Variants in OPCML observed in about 807,000 individuals in gnomAD.
OPCML encodes opioid-binding protein/cell adhesion molecule.
OPCML carries 13 observed loss-of-function variants against 37.8 expected under a neutral mutation model. The ratio of observed to expected loss-of-function variants is 0.34; its 90% CI spans 0.22 to 0.55. OPCML has a LOEUF of 0.55. Ranked by LOEUF, OPCML falls within the 20% of genes least tolerant of loss-of-function variation. The pLI, the probability that OPCML is intolerant of heterozygous loss-of-function variation, is 0.91. For synonymous variants in OPCML, 176 were observed against 168.8 expected, an observed-to-expected ratio of 1.04 and a Z score of -0.33; for missense variants, 341 against 435.6, an observed-to-expected ratio of 0.78 and a Z score of 1.93.
At chr11:133,140,889 C>A (rs376884549) in intron 1 of OPCML, among the ~76,000 whole-genome samples, 277 of 8,754 alleles carry the variant, frequency 0.032, 52 homozygotes, top group African/African-American at 0.046. Flanking sequence ...ACGACGACGA[C>A]GACGAAGACG....
intron 1 of OPCML, among the ~76,000 whole-genome samples, chr11:133,321,867 A>C (rs1034833554): frequency 2.0e-5 from 3 of 152,102 alleles, no homozygotes; most frequent in African/African-American, 7.2e-5. Context: ...ACGAGTAGGC[A>C]TGAGTGTTCA....
chr11:133,480,927 C>T (rs1947358635), intron 1 of OPCML, among the ~76,000 whole-genome samples: 1 of 152,206 alleles, frequency 6.6e-6, no homozygotes, highest in Non-Finnish European at 1.5e-5. Flanking sequence ...ACTTCTGTGT[C>T]ATGCTGGAAT....
intron 1 of OPCML, among the ~76,000 whole-genome samples, chr11:133,263,122 C>T (rs939173877): frequency 2.2e-4 from 34 of 151,912 alleles, no homozygotes; most frequent in African/African-American, 8.0e-4. Context: ...TATGTGACCC[C>T]GCACAAATAA....
At chr11:133,083,957 T>C (rs771594901) in intron 1 of OPCML, among the ~76,000 whole-genome samples, 40 of 152,250 alleles carry the variant, frequency 2.6e-4, no homozygotes, top group Admixed American at 5.9e-4. Context: ...TTTTCTGTTA[T>C]TGTCTGGAAT....
At chr11:133,467,645 G>C (rs1295820278) in intron 1 of OPCML, among the ~76,000 whole-genome samples, 1 of 152,104 alleles carries the variant, frequency 6.6e-6, no homozygotes, top group Non-Finnish European at 1.5e-5. Flanking sequence ...GGCTCATCAA[G>C]TGGTACCATT....
Position 132,663,512 on chromosome 11 carries a change from C to A in OPCML, c.147-6193G>T, listed in dbSNP as rs546417537. On this transcript the variant is annotated intron_variant, in intron 2 of 7. Transcript: ENST00000524381. ...TAAACCTATGCTAGATGTGGTATGA[C>A]AACAATTAAATTTAAATGTTCAGAT... 5.0e-4 allele frequency among the ~76,000 whole-genome samples: 76 copies of A among 152,270 alleles called. No homozygotes were observed. In the South Asian group the frequency reaches 0.016, roughly 32 times the overall value.
intron 2 of OPCML, among the ~76,000 whole-genome samples, chr11:132,827,971 C>T (rs948986933): frequency 2.0e-5 from 3 of 152,066 alleles, no homozygotes; most frequent in Non-Finnish European, 4.4e-5. Flanking sequence ...TTTATAATTG[C>T]CCAAACTCGC....
rs557915182 is a variant in OPCML at position 133,165,201 on chromosome 11, C to T, written c.62-222191G>A. ...AGCTCTCTGCTGGGCTTTGCAGAGG[C>T]TTGGTGTAGGCAGATGGTCTGTCTC... On this transcript the variant is annotated intron_variant, in intron 1 of 7. Coordinates refer to ENST00000524381, the MANE Select transcript of OPCML (RefSeq NM_001012393.5). Among the ~76,000 whole-genome samples, 13 of 152,338 alleles carry T rather than the reference C, an allele frequency of 8.5e-5. 1 individual carries two copies. In the East Asian group the frequency reaches 2.5e-3, roughly 29 times the overall value.
rs570086059 is a variant in OPCML at position 133,200,641 on chromosome 11, A to T, written c.62-257631T>A. On this transcript the variant is annotated intron_variant, in intron 1 of 7. Coordinates refer to ENST00000524381, the MANE Select transcript of OPCML (RefSeq NM_001012393.5). Reference sequence around the variant, plus strand: ...TAGGTATAGATACACTGATATTTTTAAAACAAGTTACTAATGTATGTTTGC... The same window carrying T: ...TAGGTATAGATACACTGATATTTTTTAAACAAGTTACTAATGTATGTTTGC... 3.8e-4 allele frequency among the ~76,000 whole-genome samples: 58 copies of T among 152,342 alleles called. No individual in the cohort carries two copies. The South Asian group carries it at 0.012, about 32-fold the overall frequency.
chr11:133,194,205 C>CTTTTTTTT (rs34797390), intron 1 of OPCML, among the ~76,000 whole-genome samples: 1 of 106,952 alleles, frequency 9.3e-6, no homozygotes, highest in Non-Finnish European at 1.8e-5. Flanking sequence ...CCTTCCCCCA[C>CTTTTTTTT]TTTTTTTTTT....
At chr11:132,529,039 G>T in intron 4 of OPCML, 22 bp downstream of exon 4, 1 of 1,506,504 alleles carries the variant, frequency 6.6e-7, no homozygotes, top group Non-Finnish European at 9.2e-7. Flanking sequence ...CTCTGAAAAC[G>T]TCCTCCAGGT....
At chr11:133,313,988 C>T (rs1943131783) in intron 1 of OPCML, among the ~76,000 whole-genome samples, 1 of 152,044 alleles carries the variant, frequency 6.6e-6, no homozygotes, top group African/African-American at 2.4e-5. Flanking sequence ...GTAATCCCAG[C>T]ACTTTGGGAG....
At chr11:132,867,444 T>G (rs567766149) in intron 2 of OPCML, among the ~76,000 whole-genome samples, 49 of 152,332 alleles carry the variant, frequency 3.2e-4, no homozygotes, top group African/African-American at 1.2e-3. Flanking sequence ...TCATTGAGGA[T>G]GAAATAAAAT....
intron 3 of OPCML, among the ~76,000 whole-genome samples, chr11:132,550,480 C>A (rs1456727439): frequency 6.6e-6 from 1 of 152,186 alleles, no homozygotes; most frequent in Non-Finnish European, 1.5e-5. Context: ...TGCCTTCCCC[C>A]ATGAGTAAAA....
chr11:133,253,441 C>A (rs549441470), intron 1 of OPCML, among the ~76,000 whole-genome samples: 88 of 152,268 alleles, frequency 5.8e-4, no homozygotes, highest in African/African-American at 2.1e-3. Flanking sequence ...TCCCAAGTAA[C>A]CAGGATTACA....
At chr11:133,172,261 G>C (rs139140349) in intron 1 of OPCML, among the ~76,000 whole-genome samples, 242 of 152,202 alleles carry the variant, frequency 1.6e-3, no homozygotes, top group African/African-American at 5.3e-3. Flanking sequence ...AGAGATCATG[G>C]ATCAGTAGAA....
intron 1 of OPCML, among the ~76,000 whole-genome samples, chr11:133,476,559 T>C (rs1947244912): frequency 6.6e-6 from 1 of 152,180 alleles, no homozygotes; most frequent in Non-Finnish European, 1.5e-5. Context: ...CATTCATTCA[T>C]GTATTCATTC....
intron 1 of OPCML, among the ~76,000 whole-genome samples, chr11:133,274,623 A>G (rs750945414): frequency 6.6e-6 from 1 of 152,096 alleles, no homozygotes; most frequent in Non-Finnish European, 1.5e-5. Flanking sequence ...TTGTTATGGG[A>G]GCCCTGGGAA....
Position 132,857,669 on chromosome 11 carries a change from G to A in OPCML, c.146+85257C>T, listed in dbSNP as rs928989455. On this transcript the variant is annotated intron_variant, in intron 2 of 7. Transcript: ENST00000524381. ...TCTAAGAAACATGCAAAGCTATAAA[G>A]CAATGTCATTCTTCTCATTAATGTT... is the stretch of plus-strand genomic sequence containing the variant. Among the ~76,000 whole-genome samples the A allele has an allele frequency of 3.3e-5, 5 of 152,204 alleles. No individual in the cohort carries two copies. In the East Asian group the frequency reaches 7.7e-4, roughly 23 times the overall value.
Sources: allele counts gnomAD v4.1 joint callset (sites outside exome capture counted in the v4.1 genomes callset), GRCh38; gene constraint gnomAD v4.1.1; transcripts MANE v1.5; gene names NCBI Gene and HGNC (gene_info 2026-07-23, HGNC 2026-07-21).